RBKS: variants seen among roughly 807,000 people sequenced by gnomAD.
RBKS encodes ribokinase.
Under a neutral mutation model 33.9 loss-of-function variants are expected in RBKS, and 33 were observed. That is an observed-to-expected ratio of 0.97 (90% confidence interval 0.74 to 1.30). The LOEUF (loss-of-function observed/expected upper bound fraction) is 1.30, where lower values mean the gene tolerates loss of function less well. RBKS is among the 50% of genes most tolerant of loss of function. The pLI, the probability that RBKS is intolerant of heterozygous loss-of-function variation, is 0.00. For missense variants in RBKS, 361 were observed against 392.6 expected (o/e 0.92, Z 0.68); for synonymous variants, 125 against 143.0 (o/e 0.87, Z 0.90).
chr2:27,818,328 A>C (rs1678137305), intron 7 of RBKS, among the ~76,000 whole-genome samples: 1 of 152,204 alleles, frequency 6.6e-6, no homozygotes, highest in South Asian at 2.1e-4. Flanking sequence ...GCTTCTGAAG[A>C]TCTATAGACA....
At chr2:27,866,559 G>A (rs959533804) in intron 1 of RBKS, among the ~76,000 whole-genome samples, 2 of 152,058 alleles carry the variant, frequency 1.3e-5, no homozygotes, top group Non-Finnish European at 2.9e-5. Context: ...TGTTCCACAG[G>A]TCACAGACAC....
intron 7 of RBKS, among the ~76,000 whole-genome samples, chr2:27,786,802 A>T (rs1040807281): frequency 2.2e-5 from 3 of 139,118 alleles, no homozygotes; most frequent in South Asian, 4.6e-4. Context: ...AAAAGAAAGA[A>T]AGTTTAAAAA....
rs572894945 is a variant in RBKS at position 27,887,994 on chromosome 2, A to G, written c.89+2263T>C. 2.6e-5 allele frequency among the ~76,000 whole-genome samples: 4 copies of G among 152,266 alleles called. No homozygotes were observed. In the East Asian group the frequency reaches 7.7e-4, roughly 29 times the overall value. On this transcript the variant is annotated intron_variant, in intron 1 of 7. Transcript: ENST00000302188. ...ACACCACTCCCCTACCCCACCCCACAAAGTACTATAGTTATTTTTAGTATC... is the reference window on the plus strand; with the variant it reads ...ACACCACTCCCCTACCCCACCCCACGAAGTACTATAGTTATTTTTAGTATC...
chr2:27,841,891 CTATT>C (rs1663520181), intron 5 of RBKS, among the ~76,000 whole-genome samples: 1 of 151,940 alleles, frequency 6.6e-6, no homozygotes, highest in South Asian at 2.1e-4. Flanking sequence ...AGAGTGGCTA[CTATT>C]TATTTTGATT....
intron 1 of RBKS, among the ~76,000 whole-genome samples, chr2:27,877,162 C>T (rs1020127059): frequency 6.6e-6 from 1 of 152,098 alleles, no homozygotes; most frequent in Non-Finnish European, 1.5e-5. Context: ...GTCATTTCAA[C>T]ACAAAAATGA....
intron 4 of RBKS, among the ~76,000 whole-genome samples, 188 bp from the exon 5 acceptor site, chr2:27,843,419 G>GT (rs2148211751): frequency 6.6e-6 from 1 of 152,220 alleles, no homozygotes; most frequent in East Asian, 1.9e-4. Flanking sequence ...TAATATCTCT[G>GT]TAAGATGCAC....
chr2:27,826,127 C>T (rs1399318609), intron 7 of RBKS, among the ~76,000 whole-genome samples: 3 of 152,174 alleles, frequency 2.0e-5, no homozygotes, highest in African/African-American at 7.2e-5. Flanking sequence ...TGGTAAAGCA[C>T]ATTTTGAAAG....
chr2:27,814,811 G>C (rs567548676), intron 7 of RBKS, among the ~76,000 whole-genome samples: 1 of 152,132 alleles, frequency 6.6e-6, no homozygotes, highest in Admixed American at 6.5e-5. Flanking sequence ...CTTTTTCAGA[G>C]GTTGTACCAC....
intron 7 of RBKS, among the ~76,000 whole-genome samples, chr2:27,805,761 G>A (rs1157802964): frequency 2.6e-5 from 4 of 151,948 alleles, no homozygotes; most frequent in Admixed American, 2.6e-4. Context: ...TTTTAGTAGA[G>A]ACGGGGTTTC....
chr2:27,863,246 GA>G (rs1196380398), intron 1 of RBKS, among the ~76,000 whole-genome samples: 1 of 152,180 alleles, frequency 6.6e-6, no homozygotes, highest in Non-Finnish European at 1.5e-5. Context: ...GGACTGAAAG[GA>G]ACAGTGATAA....
intron 7 of RBKS, among the ~76,000 whole-genome samples, chr2:27,816,024 T>C (rs1678085389): frequency 6.6e-6 from 1 of 152,182 alleles, no homozygotes; most frequent in South Asian, 2.1e-4. Flanking sequence ...AGGGAGCCCC[T>C]AAGCTGTCAG....
chr2:27,830,031 A>C (rs991910687), intron 6 of RBKS, among the ~76,000 whole-genome samples: 2 of 152,014 alleles, frequency 1.3e-5, no homozygotes, highest in African/African-American at 4.8e-5. Context: ...ACTTCCTGCC[A>C]CTTCTGCCTG....
intron 7 of RBKS, among the ~76,000 whole-genome samples, chr2:27,822,086 GAGA>G (rs532596206): frequency 2.0e-4 from 31 of 152,284 alleles, no homozygotes; most frequent in African/African-American, 6.5e-4. Flanking sequence ...AGAAGGAGAT[GAGA>G]AGAAGAAGAA....
intron 7 of RBKS, among the ~76,000 whole-genome samples, chr2:27,787,268 C>A (rs1677422664): frequency 6.6e-6 from 1 of 152,098 alleles, no homozygotes; most frequent in Admixed American, 6.5e-5. Context: ...CCTGTCTCTA[C>A]AAAAAACATA....
At chr2:27,817,519 A>G (rs1678116928) in intron 7 of RBKS, among the ~76,000 whole-genome samples, 1 of 152,206 alleles carries the variant, frequency 6.6e-6, no homozygotes, top group Non-Finnish European at 1.5e-5. Flanking sequence ...CTATAAAGAA[A>G]TACCCAAGAC....
At chr2:27,839,390 G>A (rs545023452) in intron 5 of RBKS, among the ~76,000 whole-genome samples, 59 of 152,240 alleles carry the variant, frequency 3.9e-4, no homozygotes, top group African/African-American at 1.3e-3. Context: ...TTCATCACAA[G>A]CAGCTGCAGC....
At chr2:27,878,257 C>CT (rs1318121515) in intron 1 of RBKS, among the ~76,000 whole-genome samples, 4 of 151,898 alleles carry the variant, frequency 2.6e-5, no homozygotes, top group African/African-American at 9.7e-5. Flanking sequence ...GTTCAGTTCC[C>CT]ACCTATGAGT....
At chr2:27,864,089 C>T (rs1468976684) in intron 1 of RBKS, among the ~76,000 whole-genome samples, 1 of 151,740 alleles carries the variant, frequency 6.6e-6, no homozygotes, top group Non-Finnish European at 1.5e-5. Context: ...TGCAGTGGTA[C>T]AACCACAGCT....
At chr2:27,870,438 G>A (rs1193772017) in intron 1 of RBKS, 1 of 175,396 alleles carries the variant, frequency 5.7e-6, no homozygotes, top group East Asian at 1.5e-4. Flanking sequence ...AATCTCCGGA[G>A]TGGCTCTTGT....
Sources: allele counts gnomAD v4.1 joint callset (sites outside exome capture counted in the v4.1 genomes callset), GRCh38; gene constraint gnomAD v4.1.1; transcripts MANE v1.5; gene names NCBI Gene and HGNC (gene_info 2026-07-23, HGNC 2026-07-21).